The following EDC3 variants were observed in gnomAD, a reference collection of about 807,000 sequenced individuals.
EDC3 encodes the protein enhancer of mRNA-decapping protein 3.
In EDC3, 20 loss-of-function variants were observed where a neutral mutation model predicts 41.8. That is an observed-to-expected ratio of 0.48 (90% CI 0.34 to 0.70). EDC3 has a LOEUF of 0.70. Among genes scored for constraint, EDC3 ranks in the 30% least tolerant of loss-of-function variants. The probability of loss-of-function intolerance (pLI) is 0.01; values close to 1 mark genes in which losing one functional copy is unlikely to be tolerated. For synonymous variants in EDC3, 206 were observed against 243.2 expected (o/e 0.85, Z 1.42); for missense variants, 444 against 636.8 (o/e 0.70, Z 3.26).
chr15:74,658,636 A>C (rs2062580077), intron 3 of EDC3, among the ~76,000 whole-genome samples: 2 of 148,946 alleles, frequency 1.3e-5, no homozygotes, highest in Non-Finnish European at 3.0e-5. Context: ...AAAAAAAAAA[A>C]AAAAAAAAAA....
At chr15:74,693,531 T>C (rs1189403952) in intron 1 of EDC3, among the ~76,000 whole-genome samples, 2 of 152,112 alleles carry the variant, frequency 1.3e-5, no homozygotes, top group Non-Finnish European at 2.9e-5. Flanking sequence ...ACATGAAGTA[T>C]ATAAAGAAAG....
intron 1 of EDC3, chr15:74,695,411 C>T (rs767347410): frequency 5.3e-5 from 8 of 152,172 alleles, no homozygotes; most frequent in Non-Finnish European, 1.0e-4. Flanking sequence ...TCCTGGGATT[C>T]GAAGATGTGA....
intron 1 of EDC3, among the ~76,000 whole-genome samples, chr15:74,688,218 A>G (rs1447206961): frequency 1.3e-5 from 2 of 152,236 alleles, no homozygotes; most frequent in African/African-American, 4.8e-5. Flanking sequence ...GTGCCCATCA[A>G]CTGGGTTCCT....
intron 6 of EDC3, chr15:74,635,105 G>A (rs754613123): frequency 1.0e-5 from 6 of 580,738 alleles, no homozygotes; most frequent in Non-Finnish European, 2.0e-5. Context: ...CAGAATATAA[G>A]CTCCACAGAA....
intron 4 of EDC3, among the ~76,000 whole-genome samples, chr15:74,648,445 C>A (rs1038678443): frequency 1.3e-5 from 2 of 152,154 alleles, no homozygotes; most frequent in Admixed American, 6.5e-5. Flanking sequence ...TAGATACATC[C>A]CCACCAAGGC....
chr15:74,686,733 T>C (rs1432001018), intron 1 of EDC3, among the ~76,000 whole-genome samples: 1 of 152,008 alleles, frequency 6.6e-6, no homozygotes, highest in African/African-American at 2.4e-5. Flanking sequence ...TGAGCAGAAA[T>C]TGCGCCACTG....
intron 3 of EDC3, among the ~76,000 whole-genome samples, chr15:74,657,370 C>T (rs1002689852): frequency 6.6e-6 from 1 of 152,250 alleles, no homozygotes; most frequent in Admixed American, 6.5e-5. Flanking sequence ...GGGTAGAACA[C>T]AGTGGGTCTG....
intron 1 of EDC3, among the ~76,000 whole-genome samples, chr15:74,690,021 C>A (rs931062792): frequency 1.5e-4 from 23 of 152,214 alleles, no homozygotes; most frequent in African/African-American, 5.5e-4. Flanking sequence ...CCTGTAAAGC[C>A]TATTCATGAC....
intron 4 of EDC3, among the ~76,000 whole-genome samples, chr15:74,649,732 A>G (rs989870320): frequency 6.6e-6 from 1 of 152,220 alleles, no homozygotes; most frequent in Non-Finnish European, 1.5e-5. Context: ...CTTTGGCTAT[A>G]TAACTTTTAA....
intron 4 of EDC3, among the ~76,000 whole-genome samples, chr15:74,650,710 G>A (rs574840914): frequency 6.6e-6 from 1 of 152,294 alleles, no homozygotes; most frequent in Admixed American, 6.5e-5. Flanking sequence ...AATACCATGA[G>A]TGTTAGGCCA....
chr15:74,661,930 T>C (rs995874979), intron 3 of EDC3, among the ~76,000 whole-genome samples: 1 of 152,164 alleles, frequency 6.6e-6, no homozygotes, highest in Non-Finnish European at 1.5e-5. Context: ...CATAATATTT[T>C]GATTTTCTTT....
chr15:74,635,696 T>G lies in EDC3; in HGVS notation c.975-70A>C. The G allele has an allele frequency of 2.2e-6, 3 of 1,387,664 alleles. No individual in the cohort carries two copies. In the Admixed American group the frequency reaches 5.6e-5, roughly 26 times the overall value. The allele number at this position is 1,387,664 out of a possible 1,614,324, so 86.0% of individuals were successfully genotyped here. On this transcript the variant is annotated intron_variant, in intron 5 of 6. Transcript: ENST00000315127. ...ATCCCTTGCACCCTATACCAGACAA[T>G]TGCCTGTAGCACCTATTGGTCTCAG...
intron 1 of EDC3, among the ~76,000 whole-genome samples, chr15:74,675,812 C>T (rs1177871438): frequency 1.9e-4 from 27 of 145,122 alleles, no homozygotes; most frequent in African/African-American, 6.4e-4. Context: ...ACCCAGGAGG[C>T]GGAGGTTGCA....
intron 3 of EDC3, among the ~76,000 whole-genome samples, chr15:74,668,674 C>T (rs181016863): frequency 2.8e-4 from 42 of 148,100 alleles, no homozygotes; most frequent in African/African-American, 1.0e-3. Context: ...GAGCTGTGAT[C>T]GTATCACTGC....
At chr15:74,681,161 A>G (rs1286085021) in intron 1 of EDC3, among the ~76,000 whole-genome samples, 2 of 152,122 alleles carry the variant, frequency 1.3e-5, no homozygotes, top group Non-Finnish European at 2.9e-5. Context: ...AGCTAAATCA[A>G]TATTTTTTTT....
chr15:74,672,037 G>A (rs1016146068), intron 2 of EDC3, among the ~76,000 whole-genome samples: 6 of 151,610 alleles, frequency 4.0e-5, no homozygotes, highest in South Asian at 4.2e-4. Context: ...CGAGGCGGGC[G>A]GATCACGAGG....
At chr15:74,656,791 G>T (rs775367039) in intron 3 of EDC3, among the ~76,000 whole-genome samples, 2 of 152,130 alleles carry the variant, frequency 1.3e-5, no homozygotes, top group Non-Finnish European at 2.9e-5. Flanking sequence ...ACCCTATCCT[G>T]TGCCTATAAA....
chr15:74,654,618 C>A (rs1053713400), intron 4 of EDC3, among the ~76,000 whole-genome samples: 1 of 152,088 alleles, frequency 6.6e-6, no homozygotes, highest in Non-Finnish European at 1.5e-5. Context: ...AATAAACAGG[C>A]ATGCCTACCA....
intron 4 of EDC3, among the ~76,000 whole-genome samples, chr15:74,651,349 A>T (rs2062478450): frequency 6.6e-6 from 1 of 152,230 alleles, no homozygotes; most frequent in Non-Finnish European, 1.5e-5. Flanking sequence ...ACCTGAAAGG[A>T]ATTTCCAGAG....
Sources: allele counts gnomAD v4.1 joint callset (sites outside exome capture counted in the v4.1 genomes callset), GRCh38; gene constraint gnomAD v4.1.1; transcripts MANE v1.5; gene names NCBI Gene and HGNC (gene_info 2026-07-23, HGNC 2026-07-21).